Variants in FLG observed in about 807,000 individuals in gnomAD.
FLG encodes filaggrin.
A neutral mutation model predicts 3.8 loss-of-function variants in FLG; 6 were observed. That is an observed-to-expected ratio of 1.60 (90% CI 0.87 to 3.15). FLG has a LOEUF of 3.15. FLG is among the 30% of genes most tolerant of loss of function. The pLI is 0.00. For synonymous variants in FLG, 2,551 were observed against 1,931.6 expected (o/e 1.32, Z -8.41); for missense variants, 7,595 against 5,050.9 (o/e 1.50, Z -15.27).
In FLG at chr1:152,310,608, G is replaced by A. The variant is rs375923587; in HGVS notation, c.4278C>T (p.Ser1426=). The A allele has an allele frequency of 2.5e-5, 41 of 1,613,802 alleles. No individual in the cohort carries two copies. Among genetic ancestry groups the A allele is most frequent in the East Asian group, 6.7e-5 (3 of 44,860 alleles). Residue 1426 remains serine (S), a synonymous_variant, in exon 3 of 3, where the codon TCC becomes TCT. Coordinates refer to ENST00000368799, the MANE Select transcript of FLG (RefSeq NM_002016.2). ...AGCTTTCCCCTGACTGGCCACGTGC[G>A]GACTCTTTGTGGCTCTGCTGATGGG... The part of the protein sequence containing the change: ...AGPHQQSHKE[S]ARGQSGESSG...
chr1:152,316,947 G>A (rs918001575), intron 1 of FLG, among the ~76,000 whole-genome samples: 4 of 151,964 alleles, frequency 2.6e-5, no homozygotes, highest in Non-Finnish European at 5.9e-5. Flanking sequence ...TTTGATTCCT[G>A]AGAACTTGGA....
Position 152,312,045 on chromosome 1 carries a change from G to A in FLG, c.2841C>T (p.Ser947=). 6.2e-7 allele frequency: 1 copy of A among 1,614,004 alleles called. No homozygotes were observed. The highest frequency in any genetic ancestry group is 8.5e-7 in the Non-Finnish European group (1 of 1,180,010). The change falls in exon 3 of 3, where the codon AGC becomes AGT. Residue 947 remains serine (S), a synonymous_variant. Coordinates refer to ENST00000368799, the MANE Select transcript of FLG (RefSeq NM_002016.2). The stretch of plus-strand genomic sequence containing the variant: ...AATGTCCCTCACTGTCACTGTCCTG[G>A]CTAACACTGGATCCCTGGCGCCTGC... ...RTSRRQGSSV[S]QDSDSEGHSE...
Position 152,303,616 on chromosome 1 carries a change from G to A in FLG, c.11270C>T (p.Thr3757Ile), listed in dbSNP as rs200358351. ...RHSASQEGQD[T>I]IRGHPGSRRG... is the part of the protein sequence containing the mutation. Reference sequence around the variant, plus strand: ...CCTTGACCCCGGGTGTCCACGAATGGTGTCCTGACCCTCTTGGGACGCTGA... The same window carrying A: ...CCTTGACCCCGGGTGTCCACGAATGATGTCCTGACCCTCTTGGGACGCTGA... The change falls in exon 3 of 3, where the codon ACC (threonine) becomes ATC (isoleucine). Residue 3757 changes from threonine (T) to isoleucine (I), a missense_variant. Physicochemically the swap from Thr to Ile is moderately conservative, Grantham distance 89 (BLOSUM62 -1). Transcript: ENST00000368799. 1.9e-6 allele frequency: 3 copies of A among 1,614,018 alleles called. No individual in the cohort carries two copies. In the African/African-American group the frequency reaches 4.0e-5, roughly 22 times the overall value.
chr1:152,313,670 A>T lies in FLG; in HGVS notation c.1216T>A (p.Ser406Thr), dbSNP rs200489906. The T allele has an allele frequency of 9.2e-5, 149 of 1,613,844 alleles. 1 individual carries two copies. Among genetic ancestry groups the T allele is most frequent in the Non-Finnish European group, 1.2e-4 (142 of 1,180,014 alleles). ...TGTCCACGATCGCTGACTGCAGATGAAGCTTGCCCGCGCCCAGTGGCTGAG... is the reference window on the plus strand; with the variant it reads ...TGTCCACGATCGCTGACTGCAGATGTAGCTTGCCCGCGCCCAGTGGCTGAG... ...RHSATGRGQA[S>T]SAVSDRGHRG... is the part of the protein sequence containing the mutation. The change falls in exon 3 of 3, where the codon TCA (serine) becomes ACA (threonine). Residue 406 changes from serine (S) to threonine (T), a missense_variant. Transcript: ENST00000368799.
chr1:152,321,270 T>C (rs1652961184), intron 1 of FLG, among the ~76,000 whole-genome samples: 1 of 150,752 alleles, frequency 6.6e-6, no homozygotes, highest in African/African-American at 2.4e-5. Context: ...AAGCATATAT[T>C]TCAAGAAGTT....
Position 152,309,333 on chromosome 1 carries a change from C to T in FLG, c.5553G>A (p.Arg1851=). ...SHHSHTTSQE[R]SDVSRGQSGS... is the part of the protein sequence containing the mutation. ...CTGACTGCCCACGGGAGACATCAGA[C>T]CTTTCCTGGGACGTGGTGTGGCTGT... Residue 1851 remains arginine, a synonymous_variant, in exon 3 of 3, where the codon AGG becomes AGA. Coordinates refer to ENST00000368799, the MANE Select transcript of FLG (RefSeq NM_002016.2). 5.0e-6 allele frequency: 8 copies of T among 1,613,866 alleles called. No individual in the cohort carries two copies. The highest frequency in any genetic ancestry group is 2.2e-5 in the East Asian group (1 of 44,810).
At position 152,313,079 on chromosome 1, in the gene FLG, C is replaced by A. The variant is rs137995883; in HGVS notation, c.1807G>T (p.Val603Leu). ...SQADSSRHSQ[V>L]GQGQSSGPRT... ...GGCCCCGATGATTGTCCCTGGCCCA[C>A]CTGTGAGTGTCTAGAGCTGTCAGCC... is the stretch of plus-strand genomic sequence containing the variant. Residue 603 changes from valine to leucine, a missense_variant, in exon 3 of 3, where the codon GTG becomes TTG. Val to Leu is a conservative substitution (Grantham distance 32, BLOSUM62 1). Coordinates refer to ENST00000368799, the MANE Select transcript of FLG (RefSeq NM_002016.2). 7.4e-6 allele frequency: 12 copies of A among 1,613,794 alleles called. No individual in the cohort carries two copies. The South Asian group carries it at 1.1e-4, about 15-fold the overall frequency.
In FLG at chr1:152,309,523, C is replaced by T. The variant is rs201032320; in HGVS notation, c.5363G>A (p.Gly1788Glu). Residue 1788 changes from glycine to glutamate, a missense_variant, in exon 3 of 3, where the codon GGA becomes GAA. Transcript: ENST00000368799. ...CTGCTCGTGGCGGGATCTTTGTCTT[C>T]CTCCAGTGCTGGGCCCTGTGCGTCC... ...AHGRTGPSTG[G>E]RQRSRHEQAR... is the part of the protein sequence containing the mutation. The T allele has an allele frequency of 5.9e-5, 96 of 1,613,670 alleles. No homozygotes were observed. The Admixed American group carries it at 7.7e-4, about 13-fold the overall frequency.
chr1:152,309,211 G>T lies in FLG; in HGVS notation c.5675C>A (p.Ala1892Asp), dbSNP rs778175509. ...GSRHHEASSR[A>D]DSSRHSQVGQ... ...CACCTGCGAGTGTCTAGAGCTGTCGGCCCGAGAGGAAGCTTCATGGTGACG... is the reference window on the plus strand; with the variant it reads ...CACCTGCGAGTGTCTAGAGCTGTCGTCCCGAGAGGAAGCTTCATGGTGACG... Residue 1892 changes from alanine (A) to aspartate (D), a missense_variant, in exon 3 of 3, where the codon GCC (alanine) becomes GAC (aspartate). Physicochemically the swap from Ala to Asp is moderately radical, Grantham distance 126. Coordinates refer to ENST00000368799, the MANE Select transcript of FLG (RefSeq NM_002016.2). 5 of 1,613,460 alleles carry T rather than the reference G, an allele frequency of 3.1e-6. No individual in the cohort carries two copies. The highest frequency in any genetic ancestry group is 1.6e-4 in the Middle Eastern group (1 of 6,084).
rs767729005 is a variant in FLG, at chr1:152,308,113, C to T, written c.6773G>A (p.Arg2258Lys). 1.2e-6 allele frequency: 2 copies of T among 1,613,720 alleles called. No homozygotes were observed. Among genetic ancestry groups the T allele is most frequent in the East Asian group, 2.2e-5 (1 of 44,812 alleles). ...GTTTCTGGACGCAGACCCAGACCGC[C>T]TCTCAGAATCTTCTGAGTGTCCCTC... ...DSEGHSEDSERRSGSASRNHH... is the reference protein window; with the variant it reads ...DSEGHSEDSEKRSGSASRNHH... Residue 2258 changes from arginine to lysine, a missense_variant, in exon 3 of 3, where the codon AGG becomes AAG. Physicochemically the swap from Arg to Lys is conservative, Grantham distance 26 (BLOSUM62 2). Transcript: ENST00000368799.
At position 152,310,899 on chromosome 1, in the gene FLG, T is replaced by A; in HGVS notation, c.3987A>T (p.Ser1329=). The change falls in exon 3 of 3, where the codon TCA becomes TCT. Residue 1329 remains serine (S), a synonymous_variant. Coordinates refer to ENST00000368799, the MANE Select transcript of FLG (RefSeq NM_002016.2). The part of the protein sequence containing the change: ...HGHSADSSRQ[S]GTHHTESSSH... ...AGGAAGACTCTGTGTGATGAGTGCC[T>A]GATTGTCTGGAGCTGTCTGCAGAGT... The A allele has an allele frequency of 6.2e-7, 1 of 1,614,110 alleles. No homozygotes were observed. The highest frequency in any genetic ancestry group is 1.1e-5 in the South Asian group (1 of 91,076).
Position 152,307,176 on chromosome 1 carries a change from G to C in FLG, c.7710C>G (p.Asp2570Glu), listed in dbSNP as rs770504565. 1.6e-5 allele frequency: 26 copies of C among 1,612,820 alleles called. No homozygotes were observed. The highest frequency in any genetic ancestry group is 2.2e-5 in the East Asian group (1 of 44,790). Residue 2570 changes from aspartate (D) to glutamate (E), a missense_variant, in exon 3 of 3, where the codon GAC (aspartate) becomes GAG (glutamate). By Grantham distance (45) the Asp-to-Glu change is conservative. Coordinates refer to ENST00000368799, the MANE Select transcript of FLG (RefSeq NM_002016.2). ...SRNWGSSFSQ[D>E]SDSQGHSEDS... is the part of the protein sequence containing the mutation. ...CTTCTGAGTGTCCCTGACTGTCACT[G>C]TCCTGGCTAAAACTGGATCCCCAGT... is the stretch of plus-strand genomic sequence containing the variant.
In FLG at chr1:152,314,619, G is replaced by T; in HGVS notation, c.267C>A (p.Thr89=). The change falls in exon 3 of 3, where the codon ACC becomes ACA. Residue 89 remains threonine (T), a synonymous_variant. Coordinates refer to ENST00000368799, the MANE Select transcript of FLG (RefSeq NM_002016.2). ...FKLAQAYYES[T]RKENLPISGH... Reference sequence around the variant, plus strand: ...CTGATATCGGTAAATTCTCTTTTCTGGTAGACTCATAATATGCTTGAGCCA... The same window carrying T: ...CTGATATCGGTAAATTCTCTTTTCTTGTAGACTCATAATATGCTTGAGCCA... The T allele has an allele frequency of 6.2e-7, 1 of 1,613,774 alleles. No individual in the cohort carries two copies. Among genetic ancestry groups the T allele is most frequent in the South Asian group, 1.1e-5 (1 of 91,070 alleles).
At position 152,309,188 on chromosome 1, in the gene FLG, C is replaced by A. The variant is rs577000074; in HGVS notation, c.5698G>T (p.Val1900Leu). 6.0e-5 allele frequency: 96 copies of A among 1,612,760 alleles called. No individual in the cohort carries two copies. The African/African-American group carries it at 1.1e-3, about 18-fold the overall frequency. The change falls in exon 3 of 3, where the codon GTG (valine) becomes TTG (leucine). Residue 1900 changes from valine to leucine, a missense_variant. Val to Leu is a conservative substitution (Grantham distance 32). Transcript: ENST00000368799. ...GGCCCTGATGATTGTCCCTGGCCCACCTGCGAGTGTCTAGAGCTGTCGGCC... is the reference window on the plus strand; with the variant it reads ...GGCCCTGATGATTGTCCCTGGCCCAACTGCGAGTGTCTAGAGCTGTCGGCC... ...SRADSSRHSQ[V>L]GQGQSSGPRT...
intron 1 of FLG, among the ~76,000 whole-genome samples, chr1:152,318,828 A>C (rs1402432428): frequency 6.6e-6 from 1 of 151,894 alleles, no homozygotes; most frequent in African/African-American, 2.4e-5. Flanking sequence ...ATAAACAAAC[A>C]ATAAATTAAT....
Position 152,308,514 on chromosome 1 carries a change from G to C in FLG, c.6372C>G (p.Asp2124Glu), listed in dbSNP as rs1402845179. The stretch of plus-strand genomic sequence containing the variant: ...CTTGGGATGCTGAGTGCCTGGAGCT[G>C]TCTTGTGCCTGATCATAATGGGATC... ...RQGSHYDQAQ[D>E]SSRHSASQEG... Residue 2124 changes from aspartate (D) to glutamate (E), a missense_variant, in exon 3 of 3, where the codon GAC becomes GAG. Asp to Glu is a conservative substitution (Grantham distance 45). Coordinates refer to ENST00000368799, the MANE Select transcript of FLG (RefSeq NM_002016.2). 1.2e-6 allele frequency: 2 copies of C among 1,613,754 alleles called. No individual in the cohort carries two copies. Among genetic ancestry groups the C allele is most frequent in the South Asian group, 1.1e-5 (1 of 91,054 alleles).
Position 152,304,399 on chromosome 1 carries a change from C to T in FLG, c.10487G>A (p.Gly3496Glu), listed in dbSNP as rs116505293. 7.5e-4 allele frequency: 1,215 copies of T among 1,611,798 alleles called. 16 individuals are homozygous for T. In the African/African-American group the frequency reaches 0.014, roughly 19 times the overall value. ...CGACCATGAGTGCCTGGAGCCATCT[C>T]CTGATTGTTCGTCATTACGAGTTTG... ...SRQTRNDEQS[G>E]DGSRHSWSHH... is the part of the protein sequence containing the mutation. The change falls in exon 3 of 3, where the codon GGA becomes GAA. Residue 3496 changes from glycine (G) to glutamate (E), a missense_variant. Coordinates refer to ENST00000368799, the MANE Select transcript of FLG (RefSeq NM_002016.2).
At position 152,312,870 on chromosome 1, in the gene FLG, G is replaced by T; in HGVS notation, c.2016C>A (p.His672Gln). Residue 672 changes from histidine to glutamine, a missense_variant, in exon 3 of 3, where the codon CAC becomes CAA. Physicochemically the swap from His to Gln is conservative, Grantham distance 24. Coordinates refer to ENST00000368799, the MANE Select transcript of FLG (RefSeq NM_002016.2). ...SHHEDRAGHGHSADSSRKSGT... is the reference protein window; with the variant it reads ...SHHEDRAGHGQSADSSRKSGT... ...CTGATTTTCTGGAGCTGTCTGCAGAGTGCCCATGACCAGCTCTGTCTTCGT... is the reference window on the plus strand; with the variant it reads ...CTGATTTTCTGGAGCTGTCTGCAGATTGCCCATGACCAGCTCTGTCTTCGT... 1 of 1,614,044 alleles carries T rather than the reference G, an allele frequency of 6.2e-7. No individual in the cohort carries two copies. Among genetic ancestry groups the T allele is most frequent in the Non-Finnish European group, 8.5e-7 (1 of 1,180,016 alleles).
chr1:152,312,579 A>T lies in FLG; in HGVS notation c.2307T>A (p.Gly769=). The T allele has an allele frequency of 1.2e-6, 2 of 1,613,082 alleles. No homozygotes were observed. Among genetic ancestry groups the T allele is most frequent in the Non-Finnish European group, 1.7e-6 (2 of 1,179,782 alleles). Residue 769 remains glycine, a synonymous_variant, in exon 3 of 3, where the codon GGT becomes GGA. Transcript: ENST00000368799. ...ACTCTTGGTGGCTCTGCTGATGGTG[A>T]CCAGCCTGTCCATGGCCTGACACTG... is the stretch of plus-strand genomic sequence containing the variant. ...TQSVSGHGQA[G]HHQQSHQESA...
Sources: gnomAD v4.1 joint callset for allele counts (sites outside exome capture counted in the v4.1 genomes callset) on GRCh38, gnomAD v4.1.1 for gene constraint, MANE v1.5 for transcripts, NCBI Gene and HGNC (gene_info 2026-07-23, HGNC 2026-07-21) for gene names.